SLC44A5: variants seen among roughly 807,000 people sequenced by gnomAD.
The protein encoded by SLC44A5 is solute carrier family 44 member 5, also known as choline transporter-like protein 5.
A neutral mutation model predicts 101.8 loss-of-function variants in SLC44A5; 57 were observed. The ratio of observed to expected loss-of-function variants is 0.56; its 90% CI spans 0.45 to 0.70. SLC44A5 has a LOEUF of 0.70. Among genes scored for constraint, SLC44A5 ranks in the 30% least tolerant of loss-of-function variants. The pLI is 0.00. For missense variants in SLC44A5, 737 were observed against 853.1 expected (o/e 0.86, Z 1.70); for synonymous variants, 281 against 290.9 (o/e 0.97, Z 0.35).
chr1:75,357,243 C>T, intron 3 of SLC44A5: 1 of 455,798 alleles, frequency 2.2e-6, no homozygotes, highest in Non-Finnish European at 4.4e-6. Context: ...GAACCAAGAG[C>T]ACTTCCTGTA....
At chr1:75,654,274 T>C in the SLC44A5 span, among the ~76,000 whole-genome samples, 2 of 152,342 alleles carry the variant, frequency 1.3e-5, no homozygotes, top group East Asian at 3.9e-4. Flanking sequence ...AGAAACTTAT[T>C]TGTCTATATA....
intron 1 of SLC44A5, among the ~76,000 whole-genome samples, chr1:75,563,298 A>G (rs897462087): frequency 6.6e-6 from 1 of 152,050 alleles, no homozygotes; most frequent in African/African-American, 2.4e-5. Flanking sequence ...GCATATTAAC[A>G]CTGAAGAAAA....
chr1:75,721,628 A>G, the SLC44A5 span, among the ~76,000 whole-genome samples: 1 of 152,184 alleles, frequency 6.6e-6, no homozygotes, highest in Non-Finnish European at 1.5e-5. Flanking sequence ...TCCTTATCCA[A>G]TGTTTAATCT....
chr1:75,603,751 A>AT (rs1338105447), intron 1 of SLC44A5, among the ~76,000 whole-genome samples: 5 of 7,580 alleles, frequency 6.6e-4, no homozygotes, highest in Admixed American at 2.8e-3. Flanking sequence ...GCATTTTTTC[A>AT]TGTTTTTTTT....
chr1:75,507,773 T>C (rs997609915), intron 2 of SLC44A5, among the ~76,000 whole-genome samples: 6 of 152,192 alleles, frequency 3.9e-5, no homozygotes, highest in African/African-American at 1.2e-4. Context: ...CCTGATTCAA[T>C]CTTGAGAAGT....
At chr1:75,482,993 A>G (rs1265741149) in intron 2 of SLC44A5, among the ~76,000 whole-genome samples, 2 of 152,252 alleles carry the variant, frequency 1.3e-5, no homozygotes, top group African/African-American at 4.8e-5. Flanking sequence ...TGAATAAATA[A>G]CATTTATGGT....
At chr1:75,318,550 A>T (rs1655893435) in intron 4 of SLC44A5, among the ~76,000 whole-genome samples, 1 of 152,224 alleles carries the variant, frequency 6.6e-6, no homozygotes, top group African/African-American at 2.4e-5. Context: ...ACAGATCAGT[A>T]AGTCAGATAA....
intron 1 of SLC44A5, among the ~76,000 whole-genome samples, chr1:75,558,852 A>T (rs1260082921): frequency 6.6e-6 from 1 of 152,078 alleles, no homozygotes; most frequent in Non-Finnish European, 1.5e-5. Context: ...AAACAGGTAA[A>T]ATAACTTATT....
At chr1:75,708,691 T>C in the SLC44A5 span, among the ~76,000 whole-genome samples, 1 of 152,106 alleles carries the variant, frequency 6.6e-6, no homozygotes, top group Non-Finnish European at 1.5e-5. Flanking sequence ...ATGATTACTA[T>C]ATTTTCAAAA....
intron 4 of SLC44A5, among the ~76,000 whole-genome samples, chr1:75,325,610 T>G (rs531431564): frequency 6.6e-6 from 1 of 152,212 alleles, no homozygotes; most frequent in Non-Finnish European, 1.5e-5. Flanking sequence ...TACAGTACAT[T>G]GTTATAATTG....
chr1:75,238,697 C>T, intron 9 of SLC44A5, 61 bp from the exon 10 acceptor site: 1 of 1,162,678 alleles, frequency 8.6e-7, no homozygotes, highest in South Asian at 1.8e-5. Context: ...ATGATGTCCT[C>T]CCTTTCTTAA....
intron 2 of SLC44A5, among the ~76,000 whole-genome samples, chr1:75,458,976 T>A (rs928290255): frequency 6.6e-6 from 1 of 152,070 alleles, no homozygotes; most frequent in South Asian, 2.1e-4. Context: ...AGAAAGAGGT[T>A]CAAGTAAGAG....
At chr1:75,578,226 C>A (rs1673482825) in intron 1 of SLC44A5, among the ~76,000 whole-genome samples, 1 of 151,978 alleles carries the variant, frequency 6.6e-6, no homozygotes, top group Non-Finnish European at 1.5e-5. Context: ...GTTCTGTATT[C>A]ATTTTTTATG....
chr1:75,394,228 TGA>T (rs1433633743), intron 3 of SLC44A5, among the ~76,000 whole-genome samples: 1 of 151,992 alleles, frequency 6.6e-6, no homozygotes, highest in African/African-American at 2.4e-5. Context: ...TAAATGCTGC[TGA>T]GAGAGAGTAA....
chr1:75,341,530 A>C (rs774601122), intron 3 of SLC44A5, among the ~76,000 whole-genome samples: 2 of 152,080 alleles, frequency 1.3e-5, no homozygotes, highest in Non-Finnish European at 2.9e-5. Flanking sequence ...AGAAAGAAAA[A>C]GAAAGAAGGA....
At chr1:75,520,762 C>A (rs1670073707) in intron 2 of SLC44A5, among the ~76,000 whole-genome samples, 1 of 152,160 alleles carries the variant, frequency 6.6e-6, no homozygotes, top group South Asian at 2.1e-4. Flanking sequence ...ATCATTTCCA[C>A]CACTTTAGAG....
intron 1 of SLC44A5, among the ~76,000 whole-genome samples, chr1:75,557,507 C>T (rs1025142038): frequency 6.6e-6 from 1 of 152,212 alleles, no homozygotes; most frequent in African/African-American, 2.4e-5. Context: ...AGCACCAGTT[C>T]CTGAATGTCT....
At chr1:75,484,758 C>A (rs1668065748) in intron 2 of SLC44A5, among the ~76,000 whole-genome samples, 1 of 152,244 alleles carries the variant, frequency 6.6e-6, no homozygotes, top group Non-Finnish European at 1.5e-5. Context: ...TTCCATACAT[C>A]CTTTGAAAGC....
intron 1 of SLC44A5, among the ~76,000 whole-genome samples, chr1:75,602,542 T>C (rs573114850): frequency 1.3e-5 from 2 of 152,132 alleles, no homozygotes; most frequent in Non-Finnish European, 2.9e-5. Flanking sequence ...CTATTTATGA[T>C]TAAACATTTT....
Sources: allele counts gnomAD v4.1 joint callset (sites outside exome capture counted in the v4.1 genomes callset), GRCh38; gene constraint gnomAD v4.1.1; transcripts MANE v1.5; gene names NCBI Gene and HGNC (gene_info 2026-07-23, HGNC 2026-07-21).